TMEFF1: variants seen among roughly 807,000 people sequenced by gnomAD.
The protein encoded by TMEFF1 is tomoregulin-1.
In TMEFF1, 20 loss-of-function variants were observed where a neutral mutation model predicts 47.5. The observed-to-expected ratio is 0.42, with a 90% CI of 0.30 to 0.61. TMEFF1 has a LOEUF of 0.61. Among genes scored for constraint, TMEFF1 ranks in the 20% least tolerant of loss-of-function variants. The probability of loss-of-function intolerance (pLI) is 0.19; values close to 1 mark genes in which losing one functional copy is unlikely to be tolerated. For missense variants in TMEFF1, 411 were observed against 471.1 expected, an observed-to-expected ratio of 0.87 and a Z score of 1.18; for synonymous variants, 162 against 166.3, an observed-to-expected ratio of 0.97 and a Z score of 0.20.
Position 100,576,787 on chromosome 9 carries a change from A to G in TMEFF1, c.*187A>G. 1 of 566,372 alleles carries G rather than the reference A, an allele frequency of 1.8e-6. No homozygotes were observed. The highest frequency in any genetic ancestry group is 2.8e-6 in the Non-Finnish European group (1 of 359,464). The allele number at this position is 566,372 out of a possible 1,614,324, so 35.1% of individuals were successfully genotyped here. On this transcript the variant is annotated 3_prime_UTR_variant, in exon 10 of 10. Coordinates refer to ENST00000374879, the MANE Select transcript of TMEFF1 (RefSeq NM_003692.5). ...TTAGTAGTCTTTGTTTTATGTTTTT[A>G]AATACAGAAATTGCTTTCACAAATT...
intron 3 of TMEFF1, among the ~76,000 whole-genome samples, chr9:100,511,121 T>C (rs1000478): frequency 0.02 from 3,043 of 152,314 alleles, 90 homozygotes; most frequent in African/African-American, 0.069. Flanking sequence ...GAAATTATTA[T>C]GTTTTTAGTC....
At chr9:100,483,767 C>G (rs541148956) in intron 1 of TMEFF1, among the ~76,000 whole-genome samples, 1 of 151,100 alleles carries the variant, frequency 6.6e-6, no homozygotes, top group Non-Finnish European at 1.5e-5. Context: ...TACTCTTTCT[C>G]TCTCTATCGT....
chr9:100,544,864 C>T (rs557690229), intron 5 of TMEFF1, among the ~76,000 whole-genome samples: 4 of 152,284 alleles, frequency 2.6e-5, no homozygotes, highest in Admixed American at 2.0e-4. Context: ...GGCTATAGGC[C>T]CCATGCAGGG....
At chr9:100,500,340 A>T (rs997819368) in intron 2 of TMEFF1, among the ~76,000 whole-genome samples, 7 of 151,780 alleles carry the variant, frequency 4.6e-5, no homozygotes, top group Non-Finnish European at 1.0e-4. Flanking sequence ...ATTTCTTAAA[A>T]TTTTTTTTCT....
intron 1 of TMEFF1, among the ~76,000 whole-genome samples, chr9:100,491,946 T>A (rs1296141638): frequency 6.6e-6 from 1 of 151,282 alleles, no homozygotes; most frequent in Non-Finnish European, 1.5e-5. Context: ...AGTGGCACGA[T>A]CTTACTCACT....
chr9:100,525,736 T>A (rs1838243035), intron 5 of TMEFF1, among the ~76,000 whole-genome samples: 1 of 152,026 alleles, frequency 6.6e-6, no homozygotes, highest in African/African-American at 2.4e-5. Flanking sequence ...CTGTGGTTGG[T>A]TTTTCTGGTG....
At chr9:100,554,863 G>A (rs1036971636) in intron 7 of TMEFF1, among the ~76,000 whole-genome samples, 3 of 152,074 alleles carry the variant, frequency 2.0e-5, no homozygotes, top group African/African-American at 7.2e-5. Flanking sequence ...TACTGATGCA[G>A]TGTTGATATA....
intron 5 of TMEFF1, among the ~76,000 whole-genome samples, chr9:100,544,566 G>A (rs1838697490): frequency 6.6e-6 from 1 of 152,150 alleles, no homozygotes; most frequent in Admixed American, 6.5e-5. Flanking sequence ...TGAGATTTGG[G>A]TGGGGACACA....
chr9:100,530,858 T>C (rs1838362653), intron 5 of TMEFF1, among the ~76,000 whole-genome samples: 1 of 151,996 alleles, frequency 6.6e-6, no homozygotes, highest in Non-Finnish European at 1.5e-5. Context: ...GCAAAACGAA[T>C]CCAGCAGCAC....
At chr9:100,549,821 T>C (rs1838799655) in intron 6 of TMEFF1, among the ~76,000 whole-genome samples, 1 of 152,188 alleles carries the variant, frequency 6.6e-6, no homozygotes, top group East Asian at 1.9e-4. Flanking sequence ...GGTGTTGTTT[T>C]AGTTTGCATA....
At chr9:100,480,746 G>A (rs943582523) in intron 1 of TMEFF1, among the ~76,000 whole-genome samples, 5 of 152,178 alleles carry the variant, frequency 3.3e-5, no homozygotes, top group African/African-American at 1.2e-4. Flanking sequence ...GTATAATTAT[G>A]TATTTAAGAC....
intron 5 of TMEFF1, among the ~76,000 whole-genome samples, chr9:100,541,677 G>C (rs748766867): frequency 1.8e-4 from 28 of 152,172 alleles, no homozygotes; most frequent in Non-Finnish European, 3.1e-4. Context: ...CGCCTGGCCA[G>C]ATTTGGCAAT....
chr9:100,561,577 T>G, intron 8 of TMEFF1, 57 bp downstream of exon 8: 1 of 1,541,828 alleles, frequency 6.5e-7, no homozygotes, highest in South Asian at 1.3e-5. Context: ...TGGTTGTTGC[T>G]CTATAGAAGG....
At chr9:100,543,937 G>A (rs1298815273) in intron 5 of TMEFF1, among the ~76,000 whole-genome samples, 1 of 152,190 alleles carries the variant, frequency 6.6e-6, no homozygotes, top group South Asian at 2.1e-4. Context: ...CTTAATTACA[G>A]CCCTGTGTGA....
intron 4 of TMEFF1, among the ~76,000 whole-genome samples, chr9:100,514,037 T>C (rs1838018973): frequency 6.6e-6 from 1 of 152,210 alleles, no homozygotes. Context: ...ATCTATATCA[T>C]AGTCTAATGA....
intron 2 of TMEFF1, among the ~76,000 whole-genome samples, chr9:100,508,489 C>T (rs1015262939): frequency 6.0e-5 from 9 of 149,410 alleles, no homozygotes; most frequent in Non-Finnish European, 9.0e-5. Context: ...TCTAGCTTTG[C>T]AGTATTGGTT....
intron 1 of TMEFF1, among the ~76,000 whole-genome samples, chr9:100,486,035 C>G (rs887861771): frequency 5.3e-5 from 8 of 149,896 alleles, no homozygotes; most frequent in African/African-American, 2.0e-4. Flanking sequence ...CAATTTCTCT[C>G]TCTCTTTTTT....
rs567334541 is a variant in TMEFF1, at chr9:100,576,863, T to G, written c.*263T>G. 1.3e-5 allele frequency: 4 copies of G among 300,224 alleles called. No individual in the cohort carries two copies. The Admixed American group carries it at 1.4e-4, about 10-fold the overall frequency. The allele number at this position is 300,224 out of a possible 1,614,324, so 18.6% of individuals were successfully genotyped here. ...TGTTCTTTACCCATGGAATGTAATATTTTTGCAAAGATGGACTACTTCACA... is the reference window on the plus strand; with the variant it reads ...TGTTCTTTACCCATGGAATGTAATAGTTTTGCAAAGATGGACTACTTCACA... On this transcript the variant is annotated 3_prime_UTR_variant, in exon 10 of 10. Coordinates refer to ENST00000374879, the MANE Select transcript of TMEFF1 (RefSeq NM_003692.5).
intron 5 of TMEFF1, among the ~76,000 whole-genome samples, chr9:100,546,774 T>A (rs747053101): frequency 9.9e-5 from 15 of 152,236 alleles, no homozygotes; most frequent in Non-Finnish European, 1.9e-4. Context: ...TCTGTGTTGC[T>A]ATAAACAGGA....
Sources: gnomAD v4.1 joint callset for allele counts (sites outside exome capture counted in the v4.1 genomes callset) on GRCh38, gnomAD v4.1.1 for gene constraint, MANE v1.5 for transcripts, NCBI Gene and HGNC (gene_info 2026-07-23, HGNC 2026-07-21) for gene names.